The following ASXL3 variants were observed in gnomAD, a reference collection of about 807,000 sequenced individuals.
ASXL3 encodes ASXL transcriptional regulator 3, also known as putative Polycomb group protein ASXL3.
In ASXL3, 34 loss-of-function variants were observed where a neutral mutation model predicts 170.6. The ratio of observed to expected loss-of-function variants is 0.20; its 90% CI spans 0.15 to 0.27. The LOEUF (loss-of-function observed/expected upper bound fraction) is 0.27, where lower values mean the gene tolerates loss of function less well. Among genes scored for constraint, ASXL3 ranks in the 10% least tolerant of loss-of-function variants. The pLI, the probability that ASXL3 is intolerant of heterozygous loss-of-function variation, is 1.00. For missense variants in ASXL3, 2,592 were observed against 2,695.3 expected, an observed-to-expected ratio of 0.96 and a Z score of 0.85; for synonymous variants, 1,002 against 989.1, an observed-to-expected ratio of 1.01 and a Z score of -0.24.
At chr18:33,707,852 TGTTTTCTCA>T (rs2145340479) in intron 8 of ASXL3, among the ~76,000 whole-genome samples, 1 of 152,198 alleles carries the variant, frequency 6.6e-6, no homozygotes, top group Admixed American at 6.5e-5. Context: ...TTCCATTCCT[TGTTTTCTCA>T]GTTTTAATCA....
chr18:33,714,752 C>A (rs977434513), intron 8 of ASXL3, among the ~76,000 whole-genome samples: 1 of 152,060 alleles, frequency 6.6e-6, no homozygotes, highest in South Asian at 2.1e-4. Context: ...TCTCCTCCCC[C>A]GGTCTTTCTC....
chr18:33,633,423 A>G (rs1486091966), intron 2 of ASXL3, among the ~76,000 whole-genome samples: 1 of 152,222 alleles, frequency 6.6e-6, no homozygotes, highest in Non-Finnish European at 1.5e-5. Flanking sequence ...GGATATTAAA[A>G]ACATTCAAAA....
chr18:33,607,605 A>T lies in ASXL3; in HGVS notation c.66A>T (p.Lys22Asn). Reference sequence around the variant, plus strand: ...TGTTTATATTTTAGGCACTAGAAAAACACCCCAACTCACCAATGACAGCAA... The same window carrying T: ...TGTTTATATTTTAGGCACTAGAAAATCACCCCAACTCACCAATGACAGCAA... ...WAEAARLALE[K>N]HPNSPMTAKQ... is the part of the protein sequence containing the mutation. Residue 22 changes from lysine (K) to asparagine (N), a missense_variant, in exon 2 of 12, where the codon AAA (lysine) becomes AAT (asparagine). This residue lies in a region of ASXL3 where 251 missense variants were observed against 281.9 expected (regional missense o/e 0.89). Coordinates refer to ENST00000269197, the MANE Select transcript of ASXL3 (RefSeq NM_030632.3). 6.3e-7 allele frequency: 1 copy of T among 1,585,962 alleles called. No individual in the cohort carries two copies. Among genetic ancestry groups the T allele is most frequent in the Non-Finnish European group, 8.6e-7 (1 of 1,165,154 alleles).
In ASXL3 at chr18:33,739,451, A is replaced by G. The variant is rs1222579256; in HGVS notation, c.2047A>G (p.Ile683Val). The G allele has an allele frequency of 1.2e-6, 2 of 1,613,900 alleles. No individual in the cohort carries two copies. The highest frequency in any genetic ancestry group is 1.7e-6 in the Non-Finnish European group (2 of 1,179,884). ...HASLMSEISPISTSPEISEAS... is the reference protein window; with the variant it reads ...HASLMSEISPVSTSPEISEAS... ...ATCTTTGATGTCAGAAATATCTCCAATATCCACTTCACCTGAAATATCAGA... is the reference window on the plus strand; with the variant it reads ...ATCTTTGATGTCAGAAATATCTCCAGTATCCACTTCACCTGAAATATCAGA... The change falls in exon 11 of 12, where the codon ATA becomes GTA. Residue 683 changes from isoleucine (I) to valine (V), a missense_variant. Physicochemically the swap from Ile to Val is conservative, Grantham distance 29. Around this residue, in one of 4 missense-constraint regions of ASXL3, gnomAD observed 2,246 missense variants for 2,219.6 expected, o/e 1.01. Transcript: ENST00000269197.
chr18:33,750,179 A>G lies in ASXL3; in HGVS notation c.*3584A>G, dbSNP rs566979714. On this transcript the variant is annotated 3_prime_UTR_variant, in exon 12 of 12. Coordinates refer to ENST00000269197, the MANE Select transcript of ASXL3 (RefSeq NM_030632.3). ...CTGCGTTCCCAGAGAACAATTGTGA[A>G]GAGTCCTAGAACAGGAACTCTGAAT... 4 of 152,354 alleles carry G rather than the reference A, an allele frequency of 2.6e-5. No individual in the cohort carries two copies. In the East Asian group the frequency reaches 7.7e-4, roughly 29 times the overall value. The allele number at this position is 152,354 out of a possible 1,614,324, so 9.4% of individuals were successfully genotyped here.
chr18:33,612,945 T>A (rs1599395521), intron 2 of ASXL3, among the ~76,000 whole-genome samples: 1 of 152,100 alleles, frequency 6.6e-6, no homozygotes, highest in Non-Finnish European at 1.5e-5. Context: ...CACAGTGTCA[T>A]CCCTGCCATT....
rs1199282228 is a variant in ASXL3 at position 33,579,913 on chromosome 18, A to G, written c.54+1228A>G. 2.0e-5 allele frequency among the ~76,000 whole-genome samples: 3 copies of G among 152,338 alleles called. No individual in the cohort carries two copies. In the East Asian group the frequency reaches 5.8e-4, roughly 29 times the overall value. ...CATTTTGAAAAGCATTTGAGTAACTACATTATGCTCAAGGAGAACATTTGT... is the reference window on the plus strand; with the variant it reads ...CATTTTGAAAAGCATTTGAGTAACTGCATTATGCTCAAGGAGAACATTTGT... On this transcript the variant is annotated intron_variant, in intron 1 of 11. Coordinates refer to ENST00000269197, the MANE Select transcript of ASXL3 (RefSeq NM_030632.3).
rs781428150 is a variant in ASXL3 at position 33,744,930 on chromosome 18, G to A, written c.5082G>A (p.Pro1694=). ...EDFPGPELPP[P]AAEGASSVQQ... ...TCCCTGGCCCTGAGCTGCCTCCTCCGGCTGCAGAGGGAGCCTCTAGTGTAC... is the reference window on the plus strand; with the variant it reads ...TCCCTGGCCCTGAGCTGCCTCCTCCAGCTGCAGAGGGAGCCTCTAGTGTAC... Residue 1694 remains proline, a synonymous_variant, in exon 12 of 12, where the codon CCG becomes CCA. Coordinates refer to ENST00000269197, the MANE Select transcript of ASXL3 (RefSeq NM_030632.3). 1.5e-5 allele frequency: 24 copies of A among 1,613,814 alleles called. No homozygotes were observed. Among genetic ancestry groups the A allele is most frequent in the Middle Eastern group, 1.6e-4 (1 of 6,084 alleles).
rs377210739 is a variant in ASXL3, at chr18:33,744,581, A to G, written c.4733A>G (p.Asn1578Ser). The G allele has an allele frequency of 3.1e-6, 5 of 1,611,096 alleles. No individual in the cohort carries two copies. Among genetic ancestry groups the G allele is most frequent in the African/African-American group, 1.3e-5 (1 of 74,906 alleles). ...KLNEPTAPSH[N>S]FAEQARGPAP... ...AATGAGCCGACTGCTCCCAGTCATA[A>G]CTTTGCTGAGCAGGCACGTGGCCCA... is the stretch of plus-strand genomic sequence containing the variant. Residue 1578 changes from asparagine (N) to serine (S), a missense_variant, in exon 12 of 12, where the codon AAC (asparagine) becomes AGC (serine). Coordinates refer to ENST00000269197, the MANE Select transcript of ASXL3 (RefSeq NM_030632.3).
intron 8 of ASXL3, among the ~76,000 whole-genome samples, chr18:33,712,832 G>A (rs2067090530): frequency 6.6e-6 from 1 of 152,140 alleles, no homozygotes; most frequent in Admixed American, 6.5e-5. Flanking sequence ...CATGATAGTG[G>A]TTTTTCTCTC....
intron 2 of ASXL3, among the ~76,000 whole-genome samples, chr18:33,624,013 C>T (rs923876702): frequency 5.3e-5 from 8 of 151,992 alleles, no homozygotes; most frequent in African/African-American, 1.9e-4. Context: ...AAAAAACCAG[C>T]CAGGTGTGAT....
rs1433597886 is a variant in ASXL3 at position 33,745,586 on chromosome 18, T to C, written c.5738T>C (p.Val1913Ala). 6.2e-7 allele frequency: 1 copy of C among 1,613,972 alleles called. No homozygotes were observed. Among genetic ancestry groups the C allele is most frequent in the African/African-American group, 1.3e-5 (1 of 75,022 alleles). The change falls in exon 12 of 12, where the codon GTT becomes GCT. Residue 1913 changes from valine to alanine, a missense_variant. Val to Ala is a moderately conservative substitution (Grantham distance 64, BLOSUM62 0). Around this residue, in one of 4 missense-constraint regions of ASXL3, gnomAD observed 2,246 missense variants for 2,219.6 expected, o/e 1.01. Transcript: ENST00000269197. ...SCSFQQNLFH[V>A]DKNGGFHTDA... ...AGCTTCCAGCAGAACCTATTTCATG[T>C]TGACAAGAATGGCGGCTTCCACACT...
intron 1 of ASXL3, among the ~76,000 whole-genome samples, chr18:33,606,784 G>A (rs942612469): frequency 1.3e-5 from 2 of 151,944 alleles, no homozygotes; most frequent in Non-Finnish European, 2.9e-5. Context: ...TGTAGTTCAT[G>A]TTGGTGCACA....
At chr18:33,647,617 T>C (rs2065935119) in intron 4 of ASXL3, among the ~76,000 whole-genome samples, 1 of 152,074 alleles carries the variant, frequency 6.6e-6, no homozygotes, top group Non-Finnish European at 1.5e-5. Context: ...GAATCTTAAC[T>C]GCAGTTGCTC....
chr18:33,620,606 C>CT (rs1421524434), intron 2 of ASXL3, among the ~76,000 whole-genome samples: 3 of 152,076 alleles, frequency 2.0e-5, no homozygotes, highest in African/African-American at 7.2e-5. Context: ...CAATTCCCTT[C>CT]TTTTTTATTG....
chr18:33,738,528 G>C lies in ASXL3; in HGVS notation c.1124G>C (p.Gly375Ala). Residue 375 changes from glycine to alanine, a missense_variant, in exon 11 of 12, where the codon GGA (glycine) becomes GCA (alanine). Coordinates refer to ENST00000269197, the MANE Select transcript of ASXL3 (RefSeq NM_030632.3). Reference sequence around the variant, plus strand: ...GAGGAATCTGTGAAGCTCACTACTGGACCAAACAACGCTGGAGCTCAAAGT... The same window carrying C: ...GAGGAATCTGTGAAGCTCACTACTGCACCAAACAACGCTGGAGCTCAAAGT... ...SREESVKLTT[G>A]PNNAGAQSSS... 6.2e-7 allele frequency: 1 copy of C among 1,613,612 alleles called. No homozygotes were observed. Among genetic ancestry groups the C allele is most frequent in the Non-Finnish European group, 8.5e-7 (1 of 1,179,750 alleles).
Position 33,750,882 on chromosome 18 carries a change from A to G in ASXL3, c.*4287A>G, listed in dbSNP as rs1330792018. On this transcript the variant is annotated 3_prime_UTR_variant, in exon 12 of 12. Transcript: ENST00000269197. The stretch of plus-strand genomic sequence containing the variant: ...CAGTTGATTCAGTAAGACTGCGACA[A>G]TTTAATACTGTTACGCTTGCTTTGA... The G allele has an allele frequency of 6.6e-6, 1 of 152,218 alleles. No homozygotes were observed. Among genetic ancestry groups the G allele is most frequent in the African/African-American group, 2.4e-5 (1 of 41,464 alleles). 9.4% of individuals were successfully genotyped at this position (152,218 alleles called of 1,614,324 possible).
chr18:33,610,093 G>A (rs1049990775), intron 2 of ASXL3, among the ~76,000 whole-genome samples: 2 of 151,980 alleles, frequency 1.3e-5, no homozygotes, highest in Non-Finnish European at 2.9e-5. Flanking sequence ...GTTTCAAGGA[G>A]CAGATACTGA....
At chr18:33,701,779 T>G (rs1190977510) in intron 8 of ASXL3, among the ~76,000 whole-genome samples, 2 of 152,252 alleles carry the variant, frequency 1.3e-5, no homozygotes, top group African/African-American at 4.8e-5. Flanking sequence ...TCATCAAATA[T>G]AGAAAGTTAA....
Sources: gnomAD v4.1 joint callset for allele counts (sites outside exome capture counted in the v4.1 genomes callset) on GRCh38, gnomAD v4.1.1 for gene constraint, gnomAD v4.1.1 regional missense constraint, MANE v1.5 for transcripts, NCBI Gene and HGNC (gene_info 2026-07-23, HGNC 2026-07-21) for gene names.